ZNF8: variants seen among roughly 807,000 people sequenced by gnomAD.
ZNF8 encodes zinc finger protein 272.
A neutral mutation model predicts 12.2 loss-of-function variants in ZNF8; 9 were observed. The observed-to-expected ratio is 0.73, with a 90% CI of 0.44 to 1.28. The LOEUF (loss-of-function observed/expected upper bound fraction) is 1.28. ZNF8 is among the 50% of genes most tolerant of loss of function. ZNF8 has a pLI of 0.00. For synonymous variants in ZNF8, 274 were observed against 282.3 expected (o/e 0.97, Z 0.30); for missense variants, 664 against 729.1 (o/e 0.91, Z 1.03).
intron 1 of ZNF8, among the ~76,000 whole-genome samples, chr19:58,285,356 G>T (rs1439632837): frequency 6.6e-6 from 1 of 152,148 alleles, no homozygotes; most frequent in Non-Finnish European, 1.5e-5. Flanking sequence ...TAGCTGCTGT[G>T]TAACACTGTC....
intron 1 of ZNF8, among the ~76,000 whole-genome samples, chr19:58,282,750 C>T (rs752257710): frequency 4.6e-5 from 7 of 151,992 alleles, no homozygotes; most frequent in Admixed American, 1.3e-4. Context: ...GCCTCAGCCT[C>T]CCAAGTAGCT....
Position 58,285,733 on chromosome 19 carries a change from G to A in ZNF8, c.83G>A (p.Arg28Gln), listed in dbSNP as rs748219099. ...ATGTTTCAGGAACCAGTGACCTTCC[G>A]GGATGTGGCTGTGGACTTTACCCAG... ...AARLQEPVTF[R>Q]DVAVDFTQEE... The change falls in exon 2 of 4, where the codon CGG becomes CAG. Residue 28 changes from arginine (R) to glutamine (Q), a missense_variant. Around this residue, in one of 3 missense-constraint regions of ZNF8, gnomAD observed 306 missense variants for 308.7 expected, o/e 0.99. Transcript: ENST00000621650. 3.1e-6 allele frequency: 5 copies of A among 1,614,172 alleles called. No homozygotes were observed. The highest frequency in any genetic ancestry group is 2.2e-5 in the South Asian group (2 of 91,078).
At position 58,295,148 on chromosome 19, in the gene ZNF8, C is replaced by T. The variant is rs866611532; in HGVS notation, c.1340C>T (p.Ala447Val). 14 of 1,613,980 alleles carry T rather than the reference C, an allele frequency of 8.7e-6. No individual in the cohort carries two copies. The highest frequency in any genetic ancestry group is 3.3e-4 in the Middle Eastern group (2 of 6,062). Residue 447 changes from alanine (A) to valine (V), a missense_variant, in exon 4 of 4, where the codon GCC (alanine) becomes GTC (valine). Around this residue, in one of 3 missense-constraint regions of ZNF8, gnomAD observed 225 missense variants for 222.0 expected, o/e 1.01. Transcript: ENST00000621650. ...CTCACAAAGCATGAATGGACAGAAG[C>T]CCTGGGCTGTGACCCACCTTTGAGT... ...PALTKHEWTE[A>V]LGCDPPLSQD...
At chr19:58,279,459 C>T in intron 1 of ZNF8, 4 of 1,459,290 alleles carry the variant, frequency 2.7e-6, no homozygotes, top group African/African-American at 1.4e-5. Flanking sequence ...CCCGCCGACA[C>T]CCTTGCCCAT....
rs1285455243 is a variant in ZNF8 at position 58,294,838 on chromosome 19, C to T, written c.1030C>T (p.Gln344Ter). ...IHTGEKPYECQDCGRAFNQNS... is the reference protein window; with the variant it reads ...IHTGEKPYEC ...CACTGGGGAGAAGCCCTATGAGTGT[C>T]AGGACTGTGGGAGGGCCTTCAACCA... The change falls in exon 4 of 4, where the codon CAG (glutamine) becomes TAG (stop). Residue 344 changes from glutamine (Q) to a stop codon, truncating the protein, a stop_gained. Coordinates refer to ENST00000621650, the MANE Select transcript of ZNF8 (RefSeq NM_021089.3). LOFTEE classifies it low-confidence loss of function (END_TRUNC). The surrounding 1 kb of genome is among the most constrained non-coding windows in gnomAD (Gnocchi z 5.5). 1 of 1,613,984 alleles carries T rather than the reference C, an allele frequency of 6.2e-7. No homozygotes were observed. Among genetic ancestry groups the T allele is most frequent in the Non-Finnish European group, 8.5e-7 (1 of 1,179,976 alleles).
rs1431167985 is a variant in ZNF8 at position 58,298,014 on chromosome 19, A to ATTTCT, written c.*2492_*2496dup. 1 of 151,446 alleles carries ATTTCT rather than the reference A, an allele frequency of 6.6e-6. No homozygotes were observed. 9.4% of individuals were successfully genotyped at this position (151,446 alleles called of 1,614,324 possible). ...GAAAAAGAAAAGCTAATTTCACTTA[A>ATTTCT]TTTCTTTTCTTTTCTTTTTTTTTTT... On this transcript the variant is annotated 3_prime_UTR_variant, in exon 4 of 4. Transcript: ENST00000621650.
In ZNF8 at chr19:58,294,514, A is replaced by G; in HGVS notation, c.706A>G (p.Arg236Gly). ...GCCCGGTGAAAACAGTGACTGTCAC[A>G]GAGATTCCAGTCAGGCCATTCCAAT... ...KQPGENSDCH[R>G]DSSQAIPITE... Residue 236 changes from arginine (R) to glycine (G), a missense_variant, in exon 4 of 4, where the codon AGA (arginine) becomes GGA (glycine). Transcript: ENST00000621650. The surrounding 1 kb of genome is among the most constrained non-coding windows in gnomAD (Gnocchi z 5.5). The G allele has an allele frequency of 6.2e-7, 1 of 1,614,236 alleles. No homozygotes were observed. Among genetic ancestry groups the G allele is most frequent in the South Asian group, 1.1e-5 (1 of 91,086 alleles).
At chr19:58,286,290 G>T in intron 3 of ZNF8, 85 bp downstream of exon 3, 1 of 1,269,520 alleles carries the variant, frequency 7.9e-7, no homozygotes, top group Non-Finnish European at 1.1e-6. Flanking sequence ...GTGGTGGTTG[G>T]TGGTCCTGAA....
At position 58,287,606 on chromosome 19, in the gene ZNF8, T is replaced by C. The variant is rs533504441; in HGVS notation, c.289+1401T>C. Among the ~76,000 whole-genome samples, 4 of 146,908 alleles carry C rather than the reference T, an allele frequency of 2.7e-5. No individual in the cohort carries two copies. In the Admixed American group the frequency reaches 2.8e-4, roughly 10 times the overall value. On this transcript the variant is annotated intron_variant, in intron 3 of 3. Coordinates refer to ENST00000621650, the MANE Select transcript of ZNF8 (RefSeq NM_021089.3). The stretch of plus-strand genomic sequence containing the variant: ...CTCCTGTCTTGGCCTCTCAAAGTGC[T>C]GGGATTACAGGTATCAGCCACTGCA...
chr19:58,289,027 G>A (rs896934797), intron 3 of ZNF8, among the ~76,000 whole-genome samples: 16 of 152,158 alleles, frequency 1.1e-4, no homozygotes, highest in African/African-American at 1.7e-4. Flanking sequence ...GGAGTATGGG[G>A]TCAAAATCAT....
At chr19:58,289,838 C>T (rs1421027033) in intron 3 of ZNF8, among the ~76,000 whole-genome samples, 1 of 151,334 alleles carries the variant, frequency 6.6e-6, no homozygotes, top group East Asian at 1.9e-4. Flanking sequence ...CGCTCTGTCA[C>T]AAGGCTGGAG....
At chr19:58,282,035 C>A (rs1600451782) in intron 1 of ZNF8, among the ~76,000 whole-genome samples, 1 of 152,288 alleles carries the variant, frequency 6.6e-6, no homozygotes, top group African/African-American at 2.4e-5. Context: ...ATCACATGAA[C>A]CAGGGAGATG....
intron 3 of ZNF8, among the ~76,000 whole-genome samples, chr19:58,291,718 G>C (rs2051420611): frequency 6.6e-6 from 1 of 152,204 alleles, no homozygotes; most frequent in Non-Finnish European, 1.5e-5. Context: ...TAAAGGAAAT[G>C]CACCTGGGGA....
At position 58,285,779 on chromosome 19, in the gene ZNF8, C is replaced by T. The variant is rs1490052335; in HGVS notation, c.129C>T (p.Asp43=). ...DFTQEEWGQL[D]PTQRILYRDV... ...CCCAGGAGGAATGGGGGCAGCTGGA[C>T]CCTACCCAGAGGATCCTCTACCGTG... Residue 43 remains aspartate, a synonymous_variant, in exon 2 of 4, where the codon GAC becomes GAT. Coordinates refer to ENST00000621650, the MANE Select transcript of ZNF8 (RefSeq NM_021089.3). 1 of 1,613,984 alleles carries T rather than the reference C, an allele frequency of 6.2e-7. No individual in the cohort carries two copies. The highest frequency in any genetic ancestry group is 8.5e-7 in the Non-Finnish European group (1 of 1,180,000).
At chr19:58,293,550 G>A (rs1331633411) in intron 3 of ZNF8, among the ~76,000 whole-genome samples, 1 of 152,200 alleles carries the variant, frequency 6.6e-6, no homozygotes, top group Non-Finnish European at 1.5e-5. Flanking sequence ...GCTTATAACA[G>A]AGTCCCTGTC....
At chr19:58,283,063 C>T (rs144802323) in intron 1 of ZNF8, among the ~76,000 whole-genome samples, 24 of 150,934 alleles carry the variant, frequency 1.6e-4, no homozygotes, top group African/African-American at 5.4e-4. Context: ...CTGCAACCTC[C>T]ACTTTCCAGA....
At chr19:58,290,141 T>G (rs1162921406) in intron 3 of ZNF8, among the ~76,000 whole-genome samples, 2 of 92,898 alleles carry the variant, frequency 2.2e-5, no homozygotes, top group African/African-American at 8.6e-5. Context: ...TGAGACGGAG[T>G]CTCGCTCTCT....
chr19:58,285,952 A>C, intron 2 of ZNF8, 109 bp downstream of exon 2: 1 of 1,445,902 alleles, frequency 6.9e-7, no homozygotes, highest in Non-Finnish European at 9.5e-7. Context: ...TGGGGAGTGC[A>C]TGAAGAGGGA....
chr19:58,290,233 C>T (rs4801578), intron 3 of ZNF8, among the ~76,000 whole-genome samples: 7,591 of 149,248 alleles, frequency 0.051, 272 homozygotes, highest in Admixed American at 0.098. Flanking sequence ...GCCTTAGCCT[C>T]CCGAGTAGCT....
Sources: gnomAD v4.1 joint callset for allele counts (sites outside exome capture counted in the v4.1 genomes callset) on GRCh38, gnomAD v4.1.1 for gene constraint, gnomAD v4.1.1 regional missense constraint, Gnocchi (gnomAD v3.1) non-coding constraint, MANE v1.5 for transcripts, NCBI Gene and HGNC (gene_info 2026-07-23, HGNC 2026-07-21) for gene names.